The following CADM2 variants were observed in gnomAD, a reference collection of about 807,000 sequenced individuals.
CADM2 encodes cell adhesion molecule 2, also known as immunoglobulin superfamily member 4D.
CADM2 carries 12 observed loss-of-function variants against 49.8 expected under a neutral mutation model. The ratio of observed to expected loss-of-function variants is 0.24; its 90% CI spans 0.15 to 0.39. The LOEUF is 0.39. Among genes scored for constraint, CADM2 ranks in the 10% least tolerant of loss-of-function variants. CADM2 has a pLI of 1.00. For synonymous variants in CADM2, 214 were observed against 175.4 expected (o/e 1.22, Z -1.74); for missense variants, 378 against 492.3 (o/e 0.77, Z 2.20).
intron 6 of CADM2, among the ~76,000 whole-genome samples, chr3:85,923,052 T>C (rs1330141082): frequency 1.3e-5 from 2 of 152,054 alleles, no homozygotes; most frequent in Non-Finnish European, 2.9e-5. Flanking sequence ...CTTGATCTCC[T>C]GACCTCATGA....
At chr3:85,053,388 A>T (rs2035956438) in intron 1 of CADM2, among the ~76,000 whole-genome samples, 1 of 151,970 alleles carries the variant, frequency 6.6e-6, no homozygotes, top group East Asian at 1.9e-4. Flanking sequence ...ACTGGAGAGC[A>T]CATACAGGAC....
intron 2 of CADM2, 60 bp from the exon 3 acceptor site, chr3:85,801,987 T>A: frequency 1.1e-5 from 13 of 1,229,314 alleles, no homozygotes; most frequent in East Asian, 2.9e-5. Flanking sequence ...GTGTAGATCT[T>A]AGGCAGTTAA....
chr3:85,228,845 A>G (rs1467800637), intron 1 of CADM2, among the ~76,000 whole-genome samples: 1 of 152,090 alleles, frequency 6.6e-6, no homozygotes, highest in Non-Finnish European at 1.5e-5. Context: ...CATATCTTGA[A>G]CACTGTGCTG....
intron 7 of CADM2, among the ~76,000 whole-genome samples, chr3:85,942,503 G>T (rs1452176430): frequency 8.8e-6 from 1 of 113,722 alleles, no homozygotes; most frequent in African/African-American, 3.3e-5. Context: ...CCCCACAACA[G>T]TCCCCAGAGT....
chr3:85,266,708 C>T (rs2043127857), intron 1 of CADM2, among the ~76,000 whole-genome samples: 3 of 151,724 alleles, frequency 2.0e-5, no homozygotes, highest in Non-Finnish European at 4.4e-5. Context: ...TCACATTGAA[C>T]TGTGCTTAAT....
At chr3:85,604,088 T>A (rs1293736221) in intron 1 of CADM2, among the ~76,000 whole-genome samples, 1 of 151,978 alleles carries the variant, frequency 6.6e-6, no homozygotes, top group East Asian at 1.9e-4. Context: ...CTTCTGTCAT[T>A]CACCTAATCA....
rs143975568 is a variant in CADM2 at position 85,190,111 on chromosome 3, A to G, written c.61+230443A>G. Reference sequence around the variant, plus strand: ...CCGAAATGAAATCTGTTATTTTGACATATTCTGATCTTTAGAAACAATATC... The same window carrying G: ...CCGAAATGAAATCTGTTATTTTGACGTATTCTGATCTTTAGAAACAATATC... On this transcript the variant is annotated intron_variant, in intron 1 of 9. Coordinates refer to ENST00000383699, the MANE Select transcript of CADM2 (RefSeq NM_001167675.2). 3.4e-3 allele frequency among the ~76,000 whole-genome samples: 523 copies of G among 152,098 alleles called. 8 individuals are homozygous for G. Among genetic ancestry groups the G allele is most frequent in the African/African-American group, 0.011 (444 of 41,484 alleles).
intron 8 of CADM2, among the ~76,000 whole-genome samples, chr3:86,061,733 A>T (rs773333149): frequency 6.6e-6 from 1 of 152,188 alleles, no homozygotes; most frequent in East Asian, 1.9e-4. Flanking sequence ...AAAAATTGTT[A>T]ATCTTTAAAG....
chr3:86,064,046 AAT>A (rs936360538), intron 8 of CADM2, among the ~76,000 whole-genome samples: 28 of 150,266 alleles, frequency 1.9e-4, no homozygotes, highest in Non-Finnish European at 2.8e-4. Context: ...CTTTTTTTTT[AAT>A]ATATATATAT....
chr3:85,674,234 CAT>C (rs560739298), intron 1 of CADM2, among the ~76,000 whole-genome samples: 295 of 152,226 alleles, frequency 1.9e-3, no homozygotes, highest in Non-Finnish European at 3.6e-3. Flanking sequence ...GTGTAAAAAA[CAT>C]ATGTGATCAA....
intron 1 of CADM2, among the ~76,000 whole-genome samples, chr3:84,990,490 T>C (rs745872207): frequency 1.1e-4 from 16 of 151,854 alleles, no homozygotes; most frequent in Non-Finnish European, 2.2e-4. Context: ...AAAAAATAAA[T>C]TTATAATTTT....
intron 8 of CADM2, chr3:85,979,263 C>T (rs751825729): frequency 6.2e-7 from 1 of 1,610,496 alleles, no homozygotes; most frequent in Non-Finnish European, 8.5e-7. Context: ...ACCACATCTG[C>T]AACAACCAGC....
At position 84,961,651 on chromosome 3, in the gene CADM2, C is replaced by T. The variant is rs550076812; in HGVS notation, c.61+1983C>T. Among the ~76,000 whole-genome samples the T allele has an allele frequency of 2.2e-4, 34 of 152,072 alleles. 1 individual carries two copies. The East Asian group carries it at 6.6e-3, about 30-fold the overall frequency. ...GTGTGTGTGTGTGCGCGCGCGCGCGCCGGCGTGTGCCGTGTTGGGGGAGTG... is the reference window on the plus strand; with the variant it reads ...GTGTGTGTGTGTGCGCGCGCGCGCGTCGGCGTGTGCCGTGTTGGGGGAGTG... On this transcript the variant is annotated intron_variant, in intron 1 of 9. Transcript: ENST00000383699.
At chr3:85,929,045 G>A (rs1720272346) in intron 6 of CADM2, among the ~76,000 whole-genome samples, 1 of 152,080 alleles carries the variant, frequency 6.6e-6, no homozygotes, top group African/African-American at 2.4e-5. Flanking sequence ...GACAAAACTA[G>A]AATAAATAGC....
intron 2 of CADM2, among the ~76,000 whole-genome samples, chr3:85,751,271 T>C (rs2068847816): frequency 6.6e-6 from 1 of 152,128 alleles, no homozygotes; most frequent in Admixed American, 6.6e-5. Flanking sequence ...TGTCTGAACA[T>C]GAAGCAAACC....
intron 6 of CADM2, among the ~76,000 whole-genome samples, chr3:85,922,756 A>G (rs1339601575): frequency 1.3e-5 from 2 of 152,116 alleles, no homozygotes; most frequent in African/African-American, 4.8e-5. Flanking sequence ...TTTATTCCAT[A>G]ATTGCAAAAC....
chr3:85,850,028 T>C (rs921642800), intron 3 of CADM2, among the ~76,000 whole-genome samples: 1 of 152,214 alleles, frequency 6.6e-6, no homozygotes, highest in Non-Finnish European at 1.5e-5. Flanking sequence ...AATGAAAACT[T>C]AGTATATTTT....
intron 1 of CADM2, among the ~76,000 whole-genome samples, chr3:85,454,941 A>G (rs2037924804): frequency 6.6e-6 from 1 of 152,190 alleles, no homozygotes; most frequent in Non-Finnish European, 1.5e-5. Context: ...ATGCTGCCTT[A>G]TTTTTGATGG....
intron 4 of CADM2, 60 bp from the exon 5 acceptor site, chr3:85,886,130 A>G: frequency 4.4e-6 from 7 of 1,591,510 alleles, no homozygotes; most frequent in Non-Finnish European, 6.0e-6. Flanking sequence ...AAAGTAATAG[A>G]CATAATAACA....
Sources: allele counts gnomAD v4.1 joint callset (sites outside exome capture counted in the v4.1 genomes callset), GRCh38; gene constraint gnomAD v4.1.1; transcripts MANE v1.5; gene names NCBI Gene and HGNC (gene_info 2026-07-23, HGNC 2026-07-21).